Variants in AOPEP observed in about 807,000 individuals in gnomAD.
The protein encoded by AOPEP is aminopeptidase O.
In AOPEP, 77 loss-of-function variants were observed where a neutral mutation model predicts 98.1. That is an observed-to-expected ratio of 0.78 (90% confidence interval 0.65 to 0.95). AOPEP has a LOEUF of 0.95. Among genes scored for constraint, AOPEP ranks in the 40% least tolerant of loss-of-function variants. The probability of loss-of-function intolerance (pLI) is 0.00; values close to 1 mark genes in which losing one functional copy is unlikely to be tolerated. For synonymous variants in AOPEP, 346 were observed against 365.3 expected (o/e 0.95, Z 0.60); for missense variants, 1,024 against 1,024.7 (o/e 1.00, Z 0.01).
intron 4 of AOPEP, among the ~76,000 whole-genome samples, chr9:94,797,683 G>A (rs1187358231): frequency 6.7e-6 from 1 of 150,046 alleles, no homozygotes; most frequent in Non-Finnish European, 1.5e-5. Flanking sequence ...TCCACAGTAA[G>A]TTAGTAAATT....
At chr9:94,910,004 G>A (rs764345639) in intron 5 of AOPEP, among the ~76,000 whole-genome samples, 9 of 152,146 alleles carry the variant, frequency 5.9e-5, no homozygotes, top group Non-Finnish European at 8.8e-5. Context: ...TTCAGCGCTA[G>A]CACATCCATA....
In AOPEP at chr9:95,060,742, A is replaced by G. The variant is rs536568888; in HGVS notation, c.2164A>G (p.Lys722Glu). Residue 722 changes from lysine to glutamate, a missense_variant, in exon 14 of 17, where the codon AAG (lysine) becomes GAG (glutamate). Physicochemically the swap from Lys to Glu is moderately conservative, Grantham distance 56. This residue lies in a region of AOPEP where 566 missense variants were observed against 551.7 expected (regional missense o/e 1.03). Transcript: ENST00000375315. ...GCTTCTGGAGCATCTCTTGGAGCAGAAGACTCTGAGCCCCCGAACTCTGCA... is the reference window on the plus strand; with the variant it reads ...GCTTCTGGAGCATCTCTTGGAGCAGGAGACTCTGAGCCCCCGAACTCTGCA... ...VLLLEHLLEQ[K>E]TLSPRTLQSL... The G allele has an allele frequency of 6.2e-7, 1 of 1,614,158 alleles. No homozygotes were observed. The highest frequency in any genetic ancestry group is 2.2e-5 in the East Asian group (1 of 44,874).
At chr9:94,911,642 A>T (rs1309510095) in intron 5 of AOPEP, among the ~76,000 whole-genome samples, 1 of 152,220 alleles carries the variant, frequency 6.6e-6, no homozygotes, top group African/African-American at 2.4e-5. Flanking sequence ...GGCAAAAGAA[A>T]TTTTTTAAAA....
At position 94,786,358 on chromosome 9, in the gene AOPEP, G is replaced by A. The variant is rs1844423168; in HGVS notation, c.965-6407G>A. Among the ~76,000 whole-genome samples, 3 of 152,206 alleles carry A rather than the reference G, an allele frequency of 2.0e-5. No individual in the cohort carries two copies. In the South Asian group the frequency reaches 6.2e-4, roughly 32 times the overall value. ...ATGCAGAGCAGGGAATTGAACCCTA[G>A]CTGTCAGATTCCAGAGGTGGAACTC... On this transcript the variant is annotated intron_variant, in intron 3 of 16. Coordinates refer to ENST00000375315, the MANE Select transcript of AOPEP (RefSeq NM_001193329.3).
intron 4 of AOPEP, among the ~76,000 whole-genome samples, chr9:94,794,195 A>G (rs546923888): frequency 1.2e-3 from 177 of 152,334 alleles, no homozygotes; most frequent in Admixed American, 2.0e-3. Context: ...CAGCCTGTCT[A>G]GATGTTCAAT....
chr9:95,088,732 C>T (rs1238055586), downstream of AOPEP, among the ~76,000 whole-genome samples: 1 of 152,328 alleles, frequency 6.6e-6, no homozygotes, highest in East Asian at 1.9e-4. Flanking sequence ...GCTTTATCTT[C>T]TTTAGAAACC....
chr9:95,117,776 T>C, the AOPEP span, among the ~76,000 whole-genome samples: 5 of 148,352 alleles, frequency 3.4e-5, no homozygotes, highest in East Asian at 8.0e-4. Flanking sequence ...CAGGCTGGAG[T>C]GCAATGGCGC....
At chr9:94,945,632 A>T (rs1407929146) in intron 7 of AOPEP, among the ~76,000 whole-genome samples, 1 of 152,074 alleles carries the variant, frequency 6.6e-6, no homozygotes, top group African/African-American at 2.4e-5. Flanking sequence ...TCCACTGAGG[A>T]GGGAAAAGTC....
chr9:94,785,151 T>C (rs1379829900), intron 3 of AOPEP, among the ~76,000 whole-genome samples: 1 of 151,670 alleles, frequency 6.6e-6, no homozygotes, highest in East Asian at 1.9e-4. Context: ...GCCAGGCTGG[T>C]CTCAAACTCC....
chr9:94,785,449 C>T (rs571873630), intron 3 of AOPEP, among the ~76,000 whole-genome samples: 1 of 152,204 alleles, frequency 6.6e-6, no homozygotes. Flanking sequence ...GAGTTTTTCC[C>T]CCTAAATACA....
rs558848550 is a variant in AOPEP, at chr9:95,044,926, C to T, written c.2116-15768C>T. 6.6e-5 allele frequency among the ~76,000 whole-genome samples: 10 copies of T among 152,276 alleles called. No homozygotes were observed. In the East Asian group the frequency reaches 1.2e-3, roughly 18 times the overall value. On this transcript the variant is annotated intron_variant, in intron 13 of 16. Transcript: ENST00000375315. ...TTACATTTGGTAGGATCATGGGTTG[C>T]GTCAGTCCCTCTCGGCACACATCTC...
intron 3 of AOPEP, among the ~76,000 whole-genome samples, chr9:94,780,713 G>A (rs183526127): frequency 5.3e-5 from 8 of 152,358 alleles, no homozygotes; most frequent in African/African-American, 1.9e-4. Flanking sequence ...ATGTTTTCTC[G>A]ATTGGCAGAT....
intron 1 of AOPEP, among the ~76,000 whole-genome samples, chr9:94,745,985 A>G (rs1834390065): frequency 6.6e-6 from 1 of 152,256 alleles, no homozygotes; most frequent in Admixed American, 6.5e-5. Context: ...CATTCCCACC[A>G]ACAATGTACG....
At chr9:95,072,513 G>T (rs891130548) in intron 14 of AOPEP, among the ~76,000 whole-genome samples, 2 of 152,116 alleles carry the variant, frequency 1.3e-5, no homozygotes, top group Admixed American at 1.3e-4. Flanking sequence ...TGCACCTGTA[G>T]TCCCAGCTAC....
intron 11 of AOPEP, among the ~76,000 whole-genome samples, chr9:94,984,027 A>T (rs371092993): frequency 1.4e-3 from 212 of 150,734 alleles, no homozygotes; most frequent in African/African-American, 5.0e-3. Context: ...AAAGCACCTG[A>T]GGAGCTAATT....
chr9:94,927,999 G>A lies in AOPEP; in HGVS notation c.1555-426G>A, dbSNP rs550565983. ...CATCTGGGTTGCATTAGCAGGCCCCGCTGGAAACAGTCCTTAACAAAATTG... is the reference window on the plus strand; with the variant it reads ...CATCTGGGTTGCATTAGCAGGCCCCACTGGAAACAGTCCTTAACAAAATTG... On this transcript the variant is annotated intron_variant, in intron 6 of 16. Transcript: ENST00000375315. 9.2e-5 allele frequency among the ~76,000 whole-genome samples: 14 copies of A among 152,332 alleles called. No homozygotes were observed. In the South Asian group the frequency reaches 2.5e-3, roughly 27 times the overall value.
intron 5 of AOPEP, among the ~76,000 whole-genome samples, chr9:94,819,920 G>GAATAAT (rs1371491711): frequency 2.1e-5 from 3 of 143,000 alleles, no homozygotes; most frequent in Non-Finnish European, 3.1e-5. Context: ...AAAGAGCTTT[G>GAATAAT]AATAATAAGT....
intron 1 of AOPEP, among the ~76,000 whole-genome samples, chr9:94,732,866 C>G (rs899358592): frequency 3.9e-5 from 6 of 152,202 alleles, no homozygotes; most frequent in Non-Finnish European, 5.9e-5. Context: ...TGGCAGATAG[C>G]ACAGATCTGT....
the AOPEP span, chr9:95,150,148 TA>T: frequency 1.6e-5 from 25 of 1,584,818 alleles, no homozygotes; most frequent in East Asian, 2.2e-4. Flanking sequence ...TAAGGACATA[TA>T]AAAACCTTCA....
Sources: allele counts gnomAD v4.1 joint callset (sites outside exome capture counted in the v4.1 genomes callset), GRCh38; gene constraint gnomAD v4.1.1; regional missense constraint gnomAD v4.1.1; transcripts MANE v1.5; gene names NCBI Gene and HGNC (gene_info 2026-07-23, HGNC 2026-07-21).